Variants in PRMT8 observed in about 807,000 individuals in gnomAD.
PRMT8 encodes the protein protein arginine N-methyltransferase 8.
PRMT8 carries 7 observed loss-of-function variants against 47.1 expected under a neutral mutation model. The ratio of observed to expected loss-of-function variants is 0.15; its 90% CI spans 0.08 to 0.28. PRMT8 has a LOEUF of 0.28. PRMT8 is among the 10% of genes least tolerant of loss of function. PRMT8 has a pLI of 1.00. For missense variants in PRMT8, 237 were observed against 505.4 expected (o/e 0.47, Z 5.09); for synonymous variants, 188 against 186.5 (o/e 1.01, Z -0.07).
At chr12:3,586,869 C>G (rs1867187205) in intron 8 of PRMT8, among the ~76,000 whole-genome samples, 1 of 152,232 alleles carries the variant, frequency 6.6e-6, no homozygotes, top group South Asian at 2.1e-4. Flanking sequence ...GTAGATCCCT[C>G]TTCTTGGCAC....
Position 3,593,225 on chromosome 12 carries a change from C to A in PRMT8, c.*43C>A, listed in dbSNP as rs747298480. ...AGAGAGCAACGAGAAAAGGAACTCTCACCTCGATCTGCCGTGCCGTCCCAA... is the reference window on the plus strand; with the variant it reads ...AGAGAGCAACGAGAAAAGGAACTCTAACCTCGATCTGCCGTGCCGTCCCAA... On this transcript the variant is annotated 3_prime_UTR_variant, in exon 10 of 10. Coordinates refer to ENST00000382622, the MANE Select transcript of PRMT8 (RefSeq NM_019854.5). The surrounding 1 kb of genome is among the most constrained non-coding windows in gnomAD (Gnocchi z 4.8). 1.3e-6 allele frequency: 2 copies of A among 1,512,904 alleles called. No homozygotes were observed. The highest frequency in any genetic ancestry group is 2.3e-5 in the South Asian group (2 of 87,608). The allele number at this position is 1,512,904 out of a possible 1,614,324, so 93.7% of individuals were successfully genotyped here.
chr12:3,516,051 G>T (rs183440011), intron 1 of PRMT8, among the ~76,000 whole-genome samples: 1 of 152,330 alleles, frequency 6.6e-6, no homozygotes, highest in Admixed American at 6.5e-5. Flanking sequence ...TTGGGCTCTG[G>T]AGTGCCCAAC....
At chr12:3,510,683 G>C (rs1444624612) in intron 1 of PRMT8, among the ~76,000 whole-genome samples, 2 of 152,206 alleles carry the variant, frequency 1.3e-5, no homozygotes, top group African/African-American at 4.8e-5. Flanking sequence ...GCCAGCTCCA[G>C]TGGCTTTTCT....
rs762868390 is a variant in PRMT8, at chr12:3,568,836, G to A, written c.612G>A (p.Arg204=). 1 of 1,614,162 alleles carries A rather than the reference G, an allele frequency of 6.2e-7. No individual in the cohort carries two copies. The highest frequency in any genetic ancestry group is 1.1e-5 in the South Asian group (1 of 91,070). The change falls in exon 5 of 10, where the codon AGG becomes AGA. Residue 204 remains arginine, a synonymous_variant. Coordinates refer to ENST00000382622, the MANE Select transcript of PRMT8 (RefSeq NM_019854.5). ...TGCTCAACACGGTGATCTTTGCCAG[G>A]GACAAGTGGCTGGTAAGTGTCCTGC... is the stretch of plus-strand genomic sequence containing the variant. ...ESMLNTVIFA[R]DKWLKPGGLM...
At chr12:3,562,627 C>T (rs1242292981) in intron 4 of PRMT8, among the ~76,000 whole-genome samples, 1 of 152,184 alleles carries the variant, frequency 6.6e-6, no homozygotes, top group African/African-American at 2.4e-5. Context: ...TGCGTGCGCT[C>T]ATCTCTTCTC....
At chr12:3,479,276 C>A (rs749783261) in intron 1 of PRMT8, among the ~76,000 whole-genome samples, 1 of 152,222 alleles carries the variant, frequency 6.6e-6, no homozygotes, top group Non-Finnish European at 1.5e-5. Context: ...TTGGGCCTGG[C>A]CCTCCATGAA....
chr12:3,490,744 C>T (rs567353459), upstream of PRMT8, among the ~76,000 whole-genome samples: 44 of 144,052 alleles, frequency 3.1e-4, no homozygotes, highest in African/African-American at 1.1e-3. Context: ...TGACACCACA[C>T]TTACCCCTAG....
intron 1 of PRMT8, among the ~76,000 whole-genome samples, chr12:3,441,364 T>G (rs1864799619): frequency 6.6e-6 from 1 of 152,224 alleles, no homozygotes; most frequent in Admixed American, 6.5e-5. Flanking sequence ...GAAGACATAT[T>G]TCTGATGAAA....
upstream of PRMT8, among the ~76,000 whole-genome samples, chr12:3,488,007 C>T (rs1347684535): frequency 6.6e-6 from 1 of 152,188 alleles, no homozygotes; most frequent in Non-Finnish European, 1.5e-5. Context: ...AGGTTGAGAA[C>T]CACTGTCTTG....
chr12:3,389,792 C>T (rs1864174898), intron 1 of PRMT8, among the ~76,000 whole-genome samples: 1 of 152,208 alleles, frequency 6.6e-6, no homozygotes, highest in African/African-American at 2.4e-5. Context: ...CCTGGAATTC[C>T]CTTTCCGTCT....
intron 6 of PRMT8, among the ~76,000 whole-genome samples, chr12:3,573,779 C>T (rs1378792364): frequency 6.6e-6 from 1 of 152,064 alleles, no homozygotes; most frequent in Non-Finnish European, 1.5e-5. Context: ...CTTCACAGGC[C>T]TCTCTGATAT....
chr12:3,386,077 T>C (rs1354651067), intron 1 of PRMT8, among the ~76,000 whole-genome samples: 1 of 152,242 alleles, frequency 6.6e-6, no homozygotes, highest in African/African-American at 2.4e-5. Context: ...TTTTCTCTTG[T>C]TCTTTATCTT....
intron 4 of PRMT8, among the ~76,000 whole-genome samples, chr12:3,558,961 C>CCTATCTACCTATCTATCTATCTAT (rs1555094146): frequency 6.9e-4 from 103 of 150,104 alleles, no homozygotes; most frequent in African/African-American, 2.5e-3. Context: ...TATCTATCTA[C>CCTATCTACCTATCTATCTATCTAT]CTATCTATCT....
At chr12:3,494,630 C>G (rs916133350) in intron 1 of PRMT8, among the ~76,000 whole-genome samples, 1 of 152,256 alleles carries the variant, frequency 6.6e-6, no homozygotes, top group South Asian at 2.1e-4. Flanking sequence ...AGTGTTCGTT[C>G]AAAAGCTAAA....
At position 3,453,266 on chromosome 12, in the gene PRMT8, C is replaced by G. The variant is rs1019300697; in HGVS notation, c.48+71824C>G. Among the ~76,000 whole-genome samples the G allele has an allele frequency of 6.6e-6, 1 of 152,098 alleles. No individual in the cohort carries two copies. The highest frequency in any genetic ancestry group is 2.1e-4 in the South Asian group (1 of 4,826). The stretch of plus-strand genomic sequence containing the variant: ...CGCCCCTCGCTCACTCTAGTCCTGG[C>G]TCCCTTTACACAGGCCTAATATGAC... On this transcript the variant is annotated intron_variant, in intron 1 of 9. Transcript: ENST00000452611. This position sits in a 1 kb window ranked among gnomAD's most constrained non-coding sequence, Gnocchi z 4.9.
Position 3,576,743 on chromosome 12 carries a change from CTA to C in PRMT8, c.713-126_713-125del. The C allele has an allele frequency of 1.4e-6, 1 of 710,526 alleles. No individual in the cohort carries two copies. Among genetic ancestry groups the C allele is most frequent in the Non-Finnish European group, 2.5e-6 (1 of 399,400 alleles). The allele number at this position is 710,526 out of a possible 1,614,324, so 44.0% of individuals were successfully genotyped here. On this transcript the variant is annotated intron_variant, in intron 6 of 9. Coordinates refer to ENST00000382622, the MANE Select transcript of PRMT8 (RefSeq NM_019854.5). The surrounding 1 kb of genome is among the most constrained non-coding windows in gnomAD (Gnocchi z 4.0). ...TGCCCCCAGGTGAGCAGTTCTGCCT[CTA>C]TTTCGATGCAAGGGAACTCGAGCTG...
rs1864751780 is a variant in PRMT8 at position 3,437,102 on chromosome 12, T to C, written c.48+55660T>C. On this transcript the variant is annotated intron_variant, in intron 1 of 9. Transcript: ENST00000452611. Reference sequence around the variant, plus strand: ...ACCCCTTACCCCTTCAACCCCACCCTCCTGGGGTATCCAACACTGAGTTTG... The same window carrying C: ...ACCCCTTACCCCTTCAACCCCACCCCCCTGGGGTATCCAACACTGAGTTTG... Among the ~76,000 whole-genome samples, 3 of 152,190 alleles carry C rather than the reference T, an allele frequency of 2.0e-5. No individual in the cohort carries two copies. In the South Asian group the frequency reaches 6.2e-4, roughly 32 times the overall value.
rs921593833 is a variant in PRMT8, at chr12:3,567,992, A to G, written c.482-714A>G. Among the ~76,000 whole-genome samples, 4 of 151,954 alleles carry G rather than the reference A, an allele frequency of 2.6e-5. No individual in the cohort carries two copies. The South Asian group carries it at 6.2e-4, about 24-fold the overall frequency. The stretch of plus-strand genomic sequence containing the variant: ...GAGGCTGAGGCAGGAGAATCGCTTG[A>G]ACCTGGGAGGCGGAGGTTGTGGTGA... On this transcript the variant is annotated intron_variant, in intron 4 of 9. Coordinates refer to ENST00000382622, the MANE Select transcript of PRMT8 (RefSeq NM_019854.5).
chr12:3,448,294 C>T (rs1864879691), intron 1 of PRMT8, among the ~76,000 whole-genome samples: 1 of 152,192 alleles, frequency 6.6e-6, no homozygotes, highest in African/African-American at 2.4e-5. Context: ...CGTGAGCCAC[C>T]ATGCTTGGTT....
Sources: gnomAD v4.1 joint callset for allele counts (sites outside exome capture counted in the v4.1 genomes callset) on GRCh38, gnomAD v4.1.1 for gene constraint, Gnocchi (gnomAD v3.1) non-coding constraint, MANE v1.5 for transcripts, NCBI Gene and HGNC (gene_info 2026-07-23, HGNC 2026-07-21) for gene names.